ARHGAP10: variants seen among roughly 807,000 people sequenced by gnomAD.
ARHGAP10 encodes Rho GTPase activating protein 10, also known as rho GTPase-activating protein 10.
ARHGAP10 carries 87 observed loss-of-function variants against 108.6 expected under a neutral mutation model. The ratio of observed to expected loss-of-function variants is 0.80; its 90% CI spans 0.67 to 0.96. The LOEUF is 0.96. Ranked by LOEUF, ARHGAP10 falls within the 40% of genes least tolerant of loss-of-function variation. ARHGAP10 has a pLI of 0.00. For missense variants in ARHGAP10, 939 were observed against 954.5 expected, an observed-to-expected ratio of 0.98 and a Z score of 0.21; for synonymous variants, 347 against 341.1, an observed-to-expected ratio of 1.02 and a Z score of -0.19.
chr4:147,855,140 G>T (rs1464257040), intron 4 of ARHGAP10, among the ~76,000 whole-genome samples: 1 of 152,206 alleles, frequency 6.6e-6, no homozygotes, highest in Non-Finnish European at 1.5e-5. Flanking sequence ...AGTCTTGTGG[G>T]CAAATGCAGG....
At chr4:147,857,675 G>A in intron 5 of ARHGAP10, 21 bp downstream of exon 5, 1 of 1,420,860 alleles carries the variant, frequency 7.0e-7, no homozygotes, top group Non-Finnish European at 9.3e-7. Flanking sequence ...TTATTTTTCT[G>A]TTACGTTTTC....
chr4:147,857,850 A>C (rs1430804240), intron 5 of ARHGAP10, 196 bp downstream of exon 5: 4 of 339,228 alleles, frequency 1.2e-5, no homozygotes, highest in Middle Eastern at 9.8e-4. Context: ...TATAGTGATT[A>C]ATGAGCTATG....
chr4:147,869,582 GAA>G (rs33932988), intron 7 of ARHGAP10, among the ~76,000 whole-genome samples: 3 of 143,226 alleles, frequency 2.1e-5, no homozygotes, highest in Admixed American at 7.0e-5. Context: ...ACAGTTTATT[GAA>G]AAAAAAAAAG....
At chr4:147,855,934 C>T (rs531439224) in intron 4 of ARHGAP10, among the ~76,000 whole-genome samples, 1 of 152,114 alleles carries the variant, frequency 6.6e-6, no homozygotes, top group Non-Finnish European at 1.5e-5. Context: ...ATCTCTTTGC[C>T]TAACAGGAAG....
At chr4:147,888,051 A>G (rs1458748078) in intron 10 of ARHGAP10, among the ~76,000 whole-genome samples, 1 of 149,838 alleles carries the variant, frequency 6.7e-6, no homozygotes, top group Non-Finnish European at 1.5e-5. Flanking sequence ...ATTGCCCATC[A>G]CTCTCTCCTC....
At chr4:147,829,924 T>G (rs560452940) in intron 3 of ARHGAP10, among the ~76,000 whole-genome samples, 28 of 152,298 alleles carry the variant, frequency 1.8e-4, no homozygotes, top group African/African-American at 6.7e-4. Context: ...TCAGGAAAAC[T>G]GCGGGGAAGC....
chr4:148,057,125 A>G (rs765114209), intron 20 of ARHGAP10, among the ~76,000 whole-genome samples: 5 of 152,210 alleles, frequency 3.3e-5, no homozygotes, highest in Admixed American at 6.5e-5. Context: ...CCTTCTCAGC[A>G]TAGCCTCTAG....
chr4:147,912,048 T>C (rs1399799307), intron 12 of ARHGAP10, among the ~76,000 whole-genome samples: 6 of 150,292 alleles, frequency 4.0e-5, no homozygotes, highest in East Asian at 3.9e-4. Context: ...TGTATAGTTT[T>C]CTTTAACTGA....
chr4:147,752,117 T>A (rs1299086656), intron 1 of ARHGAP10, among the ~76,000 whole-genome samples: 3 of 152,138 alleles, frequency 2.0e-5, no homozygotes, highest in Admixed American at 1.3e-4. Context: ...TCTCCTAACC[T>A]CATGATCTGC....
chr4:147,940,914 A>G (rs1028635673), intron 14 of ARHGAP10, among the ~76,000 whole-genome samples: 3 of 152,238 alleles, frequency 2.0e-5, no homozygotes, highest in African/African-American at 7.2e-5. Flanking sequence ...GAGCCTTATT[A>G]GAATACATTC....
At chr4:147,880,912 AAAAAG>A (rs1349613353) in intron 9 of ARHGAP10, among the ~76,000 whole-genome samples, 1 of 152,260 alleles carries the variant, frequency 6.6e-6, no homozygotes, top group African/African-American at 2.4e-5. Context: ...TTACACTAAA[AAAAAG>A]AGTACAATAA....
chr4:148,003,549 G>A (rs1740820808), intron 18 of ARHGAP10, among the ~76,000 whole-genome samples: 2 of 152,166 alleles, frequency 1.3e-5, no homozygotes, highest in Non-Finnish European at 2.9e-5. Context: ...GGGAGTCTAA[G>A]TCTCTTTGTA....
chr4:147,874,036 C>A (rs6535568), intron 7 of ARHGAP10, among the ~76,000 whole-genome samples: 148,413 of 149,842 alleles, frequency 0.99, 73,498 homozygotes, highest in East Asian at 1. Context: ...TAAAAAAAAA[C>A]AACAAACCTC....
intron 1 of ARHGAP10, 28 bp from the exon 2 acceptor site, chr4:147,822,699 C>T (rs776034499): frequency 6.3e-7 from 1 of 1,599,774 alleles, no homozygotes; most frequent in South Asian, 1.1e-5. Flanking sequence ...AACAAGAACC[C>T]AAGTCATCAT....
At chr4:147,831,728 C>G (rs1272968861) in intron 3 of ARHGAP10, among the ~76,000 whole-genome samples, 1 of 152,294 alleles carries the variant, frequency 6.6e-6, no homozygotes, top group South Asian at 2.1e-4. Context: ...ATAGGGATGT[C>G]TTTGTAAAAC....
At chr4:148,021,672 A>G (rs755343555) in intron 18 of ARHGAP10, among the ~76,000 whole-genome samples, 4 of 152,072 alleles carry the variant, frequency 2.6e-5, no homozygotes, top group Non-Finnish European at 5.9e-5. Context: ...CCACCACCCC[A>G]CAACCTTCTT....
In ARHGAP10 at chr4:147,857,031, T is replaced by G. The variant is rs80227779; in HGVS notation, c.385-522T>G. 1.3e-3 allele frequency among the ~76,000 whole-genome samples: 192 copies of G among 152,240 alleles called. 1 individual carries two copies. The East Asian group carries it at 0.021, about 17-fold the overall frequency. On this transcript the variant is annotated intron_variant, in intron 4 of 22. Coordinates refer to ENST00000336498, the MANE Select transcript of ARHGAP10 (RefSeq NM_024605.4). Reference sequence around the variant, plus strand: ...CCACACCCTGCTAACTTTTGTATTTTTAGTAGGGACGGGATTTCACCACGA... The same window carrying G: ...CCACACCCTGCTAACTTTTGTATTTGTAGTAGGGACGGGATTTCACCACGA...
chr4:147,858,004 A>G (rs1242309025), intron 5 of ARHGAP10: 1 of 154,318 alleles, frequency 6.5e-6, no homozygotes, highest in Non-Finnish European at 1.4e-5. Context: ...AATGAATTGA[A>G]TTTAATAAGC....
chr4:147,965,739 T>C (rs1315126063), intron 17 of ARHGAP10, among the ~76,000 whole-genome samples: 2 of 152,206 alleles, frequency 1.3e-5, no homozygotes, highest in Non-Finnish European at 2.9e-5. Flanking sequence ...ATTTATTCAT[T>C]TGGTCAACAA....
Sources: allele counts gnomAD v4.1 joint callset (sites outside exome capture counted in the v4.1 genomes callset), GRCh38; gene constraint gnomAD v4.1.1; transcripts MANE v1.5; gene names NCBI Gene and HGNC (gene_info 2026-07-23, HGNC 2026-07-21).